The following RABGEF1 variants were observed in gnomAD, a reference collection of about 807,000 sequenced individuals.
The protein encoded by RABGEF1 is RAB guanine nucleotide exchange factor 1.
RABGEF1 carries 26 observed loss-of-function variants against 57.3 expected under a neutral mutation model. The observed-to-expected ratio is 0.45, with a 90% CI of 0.33 to 0.63. RABGEF1 has a LOEUF of 0.63. Among genes scored for constraint, RABGEF1 ranks in the 20% least tolerant of loss-of-function variants. RABGEF1 has a pLI of 0.02. For missense variants in RABGEF1, 464 were observed against 607.6 expected (o/e 0.76, Z 2.48); for synonymous variants, 185 against 210.7 (o/e 0.88, Z 1.06).
chr7:66,756,501 G>T (rs1802748865), intron 1 of RABGEF1, among the ~76,000 whole-genome samples: 1 of 152,084 alleles, frequency 6.6e-6, no homozygotes, highest in Non-Finnish European at 1.5e-5. Context: ...GGCTATCAAA[G>T]ATTTATAAAT....
intron 1 of RABGEF1, among the ~76,000 whole-genome samples, chr7:66,699,877 G>T (rs913416030): frequency 6.6e-6 from 1 of 152,134 alleles, no homozygotes; most frequent in Non-Finnish European, 1.5e-5. Flanking sequence ...AATAAAATGG[G>T]AATGATAGCA....
chr7:66,759,344 G>T (rs765344010), intron 1 of RABGEF1, among the ~76,000 whole-genome samples: 1 of 152,156 alleles, frequency 6.6e-6, no homozygotes, highest in Non-Finnish European at 1.5e-5. Flanking sequence ...GATTCGAAGC[G>T]TCTTCTCCCA....
At chr7:66,774,805 C>T (rs1808114732) in intron 2 of RABGEF1, among the ~76,000 whole-genome samples, 1 of 152,084 alleles carries the variant, frequency 6.6e-6, no homozygotes, top group African/African-American at 2.4e-5. Flanking sequence ...AAGACCTCAC[C>T]CAAACATCAC....
At chr7:66,717,551 G>A (rs1795547808) in intron 2 of RABGEF1, among the ~76,000 whole-genome samples, 1 of 152,016 alleles carries the variant, frequency 6.6e-6, no homozygotes. Context: ...GAGGACAGGA[G>A]TTCAAGACCA....
intron 2 of RABGEF1, among the ~76,000 whole-genome samples, chr7:66,716,752 C>A (rs1474946651): frequency 6.6e-6 from 1 of 152,064 alleles, no homozygotes; most frequent in African/African-American, 2.4e-5. Flanking sequence ...TTAGGTCTAT[C>A]ATTTTGTTAT....
the RABGEF1 span, among the ~76,000 whole-genome samples, chr7:66,663,741 TAATAAATAAATAAAAATAAAAAAATAAA>T: frequency 6.6e-6 from 1 of 151,792 alleles, no homozygotes; most frequent in African/African-American, 2.4e-5. Flanking sequence ...TAAAGTATAA[TAATAAATAAATAAAAATAAAAAAATAAA>T]AATAAATAAA....
chr7:66,719,174 AC>A (rs953714918), intron 2 of RABGEF1, among the ~76,000 whole-genome samples: 3 of 152,106 alleles, frequency 2.0e-5, no homozygotes, highest in African/African-American at 7.2e-5. Flanking sequence ...CCAAAAACCA[AC>A]CAACCAACAA....
intron 1 of RABGEF1, among the ~76,000 whole-genome samples, chr7:66,708,004 A>T (rs1182315391): frequency 6.6e-6 from 1 of 151,942 alleles, no homozygotes; most frequent in Non-Finnish European, 1.5e-5. Flanking sequence ...TGTGTTTTTT[A>T]ATCCATTCTG....
At position 66,692,647 on chromosome 7, in the gene RABGEF1, A is replaced by G. The variant is rs1466621882; in HGVS notation, c.-873+10389A>G. Among the ~76,000 whole-genome samples the G allele has an allele frequency of 2.0e-5, 3 of 152,134 alleles. 1 individual carries two copies. The highest frequency in any genetic ancestry group is 4.1e-4 in the South Asian group (2 of 4,826). ...AGCCCCTCCAGTTCTAAGTGGTGGG[A>G]CTGGGGAGTCAGAGGCCCTGGTCAT... On this transcript the variant is annotated intron_variant and NMD_transcript_variant, in intron 1 of 9. Coordinates refer to the RABGEF1 transcript ENST00000607882.
chr7:66,783,287 T>G (rs1810401953), intron 3 of RABGEF1, among the ~76,000 whole-genome samples: 1 of 152,242 alleles, frequency 6.6e-6, no homozygotes, highest in African/African-American at 2.4e-5. Flanking sequence ...ATGTCAGTGC[T>G]TCTATTGATT....
Position 66,796,828 on chromosome 7 carries a change from C to T in RABGEF1, c.596-546C>T, listed in dbSNP as rs755284429. The stretch of plus-strand genomic sequence containing the variant: ...CTGGTCTTGAACTCCTGACCTCAGG[C>T]GATCCACCTGCCTCAGCCTCCCAAA... On this transcript the variant is annotated intron_variant, in intron 5 of 8. Coordinates refer to ENST00000284957, the MANE Select transcript of RABGEF1 (RefSeq NM_014504.3). The T allele has an allele frequency of 1.5e-4, 60 of 399,598 alleles. 1 individual carries two copies. The highest frequency in any genetic ancestry group is 8.7e-4 in the South Asian group (49 of 56,166). 24.8% of individuals were successfully genotyped at this position (399,598 alleles called of 1,614,324 possible). A position where few individuals can be genotyped will look rare whatever the true frequency, so the allele number is the denominator to read the frequency against.
At chr7:66,694,483 G>A (rs188295514) in intron 1 of RABGEF1, among the ~76,000 whole-genome samples, 3 of 152,380 alleles carry the variant, frequency 2.0e-5, no homozygotes, top group Non-Finnish European at 2.9e-5. Context: ...CAGAGGGCCC[G>A]GCGGGGCCTG....
chr7:66,744,179 A>T (rs1222854027), intron 1 of RABGEF1, among the ~76,000 whole-genome samples: 1 of 151,484 alleles, frequency 6.6e-6, no homozygotes, highest in Non-Finnish European at 1.5e-5. Flanking sequence ...GGGACTGACC[A>T]TAGATAGGCG....
chr7:66,735,283 C>T (rs998315938), intron 2 of RABGEF1, among the ~76,000 whole-genome samples: 8 of 152,242 alleles, frequency 5.3e-5, no homozygotes, highest in Middle Eastern at 3.4e-3. Context: ...CTATTCCAAC[C>T]GTGTGTATCC....
At chr7:66,738,532 C>G (rs1798310278), upstream of RABGEF1, among the ~76,000 whole-genome samples, 2 of 151,832 alleles carry the variant, frequency 1.3e-5, no homozygotes, top group African/African-American at 4.8e-5. Flanking sequence ...GAGTTCGAGA[C>G]CAGCCAGGGC....
intron 8 of RABGEF1, among the ~76,000 whole-genome samples, chr7:66,806,897 G>C (rs10264223): frequency 5.3e-5 from 8 of 151,926 alleles, no homozygotes; most frequent in Non-Finnish European, 1.5e-5. Flanking sequence ...ACCCACCTCA[G>C]TTTCCCACAG....
rs748826677 is a variant in RABGEF1 at position 66,799,330 on chromosome 7, C to T, written c.736C>T (p.Arg246Cys). ...LAIQKRIRAL[R>C]WVTPQMLCVP... ...CTGTCTCTCTCTCTTTAGAGCCCTG[C>T]GCTGGGTTACGCCTCAGATGCTGTG... The change falls in exon 7 of 9, where the codon CGC (arginine) becomes TGC (cysteine). Residue 246 changes from arginine to cysteine, a missense_variant. By Grantham distance (180) the Arg-to-Cys change is radical. Around this residue, in one of 4 missense-constraint regions of RABGEF1, gnomAD observed 284 missense variants for 389.9 expected, o/e 0.73. Transcript: ENST00000284957. 1.4e-5 allele frequency: 22 copies of T among 1,604,136 alleles called. No homozygotes were observed. Among genetic ancestry groups the T allele is most frequent in the African/African-American group, 2.7e-5 (2 of 74,666 alleles).
At position 66,771,763 on chromosome 7, in the gene RABGEF1, C is replaced by T; in HGVS notation, c.-17-120C>T. Reference sequence around the variant, plus strand: ...TCTTTCTCCCTCCCTCCTTCATTCCCTCCATCCCTCTCTTAACAGCTTGAA... The same window carrying T: ...TCTTTCTCCCTCCCTCCTTCATTCCTTCCATCCCTCTCTTAACAGCTTGAA... On this transcript the variant is annotated intron_variant, in intron 1 of 8. Coordinates refer to ENST00000284957, the MANE Select transcript of RABGEF1 (RefSeq NM_014504.3). The T allele has an allele frequency of 1.7e-5, 10 of 603,000 alleles. 1 individual carries two copies. The South Asian group carries it at 6.6e-4, about 40-fold the overall frequency. The allele number at this position is 603,000 out of a possible 1,614,324, so 37.4% of individuals were successfully genotyped here.
chr7:66,802,334 G>A (rs1787480811), intron 7 of RABGEF1, among the ~76,000 whole-genome samples: 1 of 152,204 alleles, frequency 6.6e-6, no homozygotes, highest in Non-Finnish European at 1.5e-5. Context: ...TGTCAGGAGT[G>A]TCCATGTTGA....
Sources: gnomAD v4.1 joint callset for allele counts (sites outside exome capture counted in the v4.1 genomes callset) on GRCh38, gnomAD v4.1.1 for gene constraint, gnomAD v4.1.1 regional missense constraint, MANE v1.5 for transcripts, NCBI Gene and HGNC (gene_info 2026-07-23, HGNC 2026-07-21) for gene names.